The following EPM2A variants were observed in gnomAD, a reference collection of about 807,000 sequenced individuals.
EPM2A encodes EPM2A glucan phosphatase, laforin, also known as laforin.
In EPM2A, 21 loss-of-function variants were observed where a neutral mutation model predicts 26.5. That is an observed-to-expected ratio of 0.79 (90% CI 0.56 to 1.14). The LOEUF (loss-of-function observed/expected upper bound fraction) is 1.14, where lower values mean the gene tolerates loss of function less well. Ranked by LOEUF, EPM2A falls within the 50% of genes most tolerant of loss-of-function variation. EPM2A has a pLI of 0.00. For synonymous variants in EPM2A, 217 were observed against 177.6 expected, an observed-to-expected ratio of 1.22 and a Z score of -1.76; for missense variants, 458 against 440.8, an observed-to-expected ratio of 1.04 and a Z score of -0.35.
intron 2 of EPM2A, among the ~76,000 whole-genome samples, chr6:145,592,371 T>C (rs1781286076): frequency 6.6e-6 from 1 of 152,254 alleles, no homozygotes; most frequent in South Asian, 2.1e-4. Flanking sequence ...AAGTATTCCA[T>C]GGTTTATATG....
chr6:145,385,038 G>A (rs9497285), intron 4 of EPM2A, among the ~76,000 whole-genome samples: 2 of 146,834 alleles, frequency 1.4e-5, no homozygotes, highest in Admixed American at 6.9e-5. Context: ...AAATAGCATC[G>A]CATGAATAAA....
intron 2 of EPM2A, among the ~76,000 whole-genome samples, chr6:145,660,220 A>G (rs1033096912): frequency 3.3e-5 from 5 of 152,188 alleles, no homozygotes; most frequent in Non-Finnish European, 7.3e-5. Flanking sequence ...CTCAGGTATT[A>G]TTAATTCAGG....
intron 2 of EPM2A, among the ~76,000 whole-genome samples, chr6:145,669,604 A>G (rs1779499294): frequency 6.6e-6 from 1 of 152,188 alleles, no homozygotes; most frequent in African/African-American, 2.4e-5. Flanking sequence ...CTAGCACTGA[A>G]AAACATCATA....
chr6:145,387,366 G>A (rs1268705660), intron 4 of EPM2A, among the ~76,000 whole-genome samples: 1 of 152,142 alleles, frequency 6.6e-6, no homozygotes, highest in African/African-American at 2.4e-5. Context: ...GATTAAAGAG[G>A]CAGCCCACAC....
intron 4 of EPM2A, among the ~76,000 whole-genome samples, chr6:145,466,168 T>G (rs1364818322): frequency 1.1e-5 from 1 of 89,906 alleles, no homozygotes; most frequent in Admixed American, 1.3e-4. Context: ...AGCTTCTGCA[T>G]AGCAAAAAAA....
chr6:145,479,327 A>T (rs1779584363), intron 4 of EPM2A, among the ~76,000 whole-genome samples: 1 of 148,516 alleles, frequency 6.7e-6, no homozygotes, highest in East Asian at 1.9e-4. Flanking sequence ...GTATATATAT[A>T]TATATGATTC....
chr6:145,563,514 T>G (rs1345388891), intron 2 of EPM2A, among the ~76,000 whole-genome samples: 2 of 151,978 alleles, frequency 1.3e-5, no homozygotes, highest in African/African-American at 4.8e-5. Context: ...GGCTGTGAGT[T>G]TGGATTTCAT....
At chr6:145,502,708 A>G (rs391524) in intron 2 of EPM2A, 166,814 of 359,426 alleles carry the variant, frequency 0.46, 39,110 homozygotes, top group South Asian at 0.57. Context: ...TGTAATATAC[A>G]TAGTATTTAG....
At chr6:145,515,006 C>T (rs1780105913) in intron 2 of EPM2A, among the ~76,000 whole-genome samples, 1 of 152,196 alleles carries the variant, frequency 6.6e-6, no homozygotes. Flanking sequence ...AAGCTCTGCA[C>T]TAGCTGCCTT....
At chr6:145,451,878 C>T (rs957835949) in intron 4 of EPM2A, among the ~76,000 whole-genome samples, 4 of 60,166 alleles carry the variant, frequency 6.6e-5, no homozygotes, top group Admixed American at 2.2e-4. Flanking sequence ...GCCTTTTGAT[C>T]GCCATTGATT....
intron 2 of EPM2A, among the ~76,000 whole-genome samples, chr6:145,513,526 C>T (rs1161577952): frequency 6.6e-6 from 1 of 152,122 alleles, no homozygotes; most frequent in Non-Finnish European, 1.5e-5. Flanking sequence ...ACTATTAGAT[C>T]CAGCAACCTT....
intron 1 of EPM2A, among the ~76,000 whole-genome samples, chr6:145,689,979 C>T (rs979943543): frequency 1.3e-5 from 2 of 152,124 alleles, no homozygotes; most frequent in South Asian, 2.1e-4. Flanking sequence ...CCTTCCCACC[C>T]GACCATCAGT....
At chr6:145,533,677 A>G (rs1248968229) in intron 2 of EPM2A, among the ~76,000 whole-genome samples, 3 of 152,056 alleles carry the variant, frequency 2.0e-5, no homozygotes, top group Non-Finnish European at 4.4e-5. Context: ...GGTCTACTTC[A>G]TATATCAGGT....
At chr6:145,610,558 T>C (rs187583136) in intron 2 of EPM2A, among the ~76,000 whole-genome samples, 2 of 152,342 alleles carry the variant, frequency 1.3e-5, no homozygotes, top group Admixed American at 1.3e-4. Flanking sequence ...AACAAAGTCG[T>C]TGTGAGTACT....
chr6:145,641,673 AT>A (rs1034991843), intron 2 of EPM2A, among the ~76,000 whole-genome samples: 6 of 152,158 alleles, frequency 3.9e-5, no homozygotes, highest in African/African-American at 1.4e-4. Context: ...GATGTTTGGA[AT>A]TCTTGCAAAT....
chr6:145,459,436 G>A (rs1779301341), intron 4 of EPM2A, among the ~76,000 whole-genome samples: 1 of 152,160 alleles, frequency 6.6e-6, no homozygotes, highest in African/African-American at 2.4e-5. Context: ...GAGGTTGTTT[G>A]TTTATTACAC....
intron 2 of EPM2A, among the ~76,000 whole-genome samples, chr6:145,515,648 A>G (rs1780115415): frequency 6.6e-6 from 1 of 152,080 alleles, no homozygotes; most frequent in Non-Finnish European, 1.5e-5. Context: ...TGATCTAATC[A>G]CCTCTTGAAG....
In EPM2A at chr6:145,635,330, G is replaced by A. The variant is rs1410948671; in HGVS notation, c.633C>T (p.Pro211=). 1.9e-6 allele frequency: 3 copies of A among 1,613,996 alleles called. No homozygotes were observed. Among genetic ancestry groups the A allele is most frequent in the Non-Finnish European group, 2.5e-6 (3 of 1,179,994 alleles). ...NSSGCNRYPE[P]MTPDTMIKLY... ...GTTTAATCATAGTGTCTGGAGTCAT[G>A]GGCTCTGGGTAGCGGTTACAGCCTG... The change falls in exon 3 of 4, where the codon CCC becomes CCT. Residue 211 remains proline (P), a synonymous_variant. Transcript: ENST00000367519.
At chr6:145,565,155 G>T (rs1780866081) in intron 2 of EPM2A, among the ~76,000 whole-genome samples, 1 of 152,060 alleles carries the variant, frequency 6.6e-6, no homozygotes, top group African/African-American at 2.4e-5. Flanking sequence ...TCTCAGCTTG[G>T]CATATTCAGA....
Sources: allele counts gnomAD v4.1 joint callset (sites outside exome capture counted in the v4.1 genomes callset), GRCh38; gene constraint gnomAD v4.1.1; transcripts MANE v1.5; gene names NCBI Gene and HGNC (gene_info 2026-07-23, HGNC 2026-07-21).